Variants in RPL23 observed in about 807,000 individuals in gnomAD.
RPL23 encodes the protein large ribosomal subunit protein uL14.
For missense variants in RPL23, 79 were observed against 178.8 expected (o/e 0.44, Z 3.18); for synonymous variants, 63 against 65.3 (o/e 0.97, Z 0.17).
chr17:38,853,221 C>T (rs761023930), intron 1 of RPL23, 116 bp from the exon 2 acceptor site: 73 of 795,910 alleles, frequency 9.2e-5, no homozygotes, highest in Non-Finnish European at 1.4e-4. Context: ...AGACTGTACG[C>T]TATAGATTAG....
rs376234763 is a variant in RPL23 at position 38,853,119 on chromosome 17, G to C, written c.14-14C>G. The C allele has an allele frequency of 8.1e-6, 13 of 1,604,298 alleles. No homozygotes were observed. The highest frequency in any genetic ancestry group is 1.6e-4 in the Middle Eastern group (1 of 6,066). On this transcript the variant is annotated splice_polypyrimidine_tract_variant and intron_variant, in intron 1 of 4. Transcript: ENST00000479035. The stretch of plus-strand genomic sequence containing the variant: ...ACCCACCACGTCCTGTGGATATAAA[G>C]GGAAGGGAAACAGGATAAAGAGATC...
chr17:38,850,319 C>T, intron 4 of RPL23, 43 bp downstream of exon 4: 5 of 1,579,806 alleles, frequency 3.2e-6, no homozygotes, highest in Non-Finnish European at 4.3e-6. Context: ...GACAATCCAC[C>T]CAACCTCAGA....
At chr17:38,852,829 C>T in intron 2 of RPL23, 97 bp from the exon 3 acceptor site, 1 of 1,554,992 alleles carries the variant, frequency 6.4e-7, no homozygotes, top group Non-Finnish European at 8.9e-7. Flanking sequence ...CCCCTCCCTC[C>T]ACTCACTGCC....
In RPL23 at chr17:38,850,389, T is replaced by C; in HGVS notation, c.313A>G (p.Ile105Val). 1.2e-6 allele frequency: 2 copies of C among 1,613,862 alleles called. No individual in the cohort carries two copies. Among genetic ancestry groups the C allele is most frequent in the Non-Finnish European group, 1.7e-6 (2 of 1,179,946 alleles). Residue 105 changes from isoleucine to valine, a missense_variant, in exon 4 of 5, where the codon ATA becomes GTA. Physicochemically the swap from Ile to Val is conservative, Grantham distance 29. Coordinates refer to ENST00000479035, the MANE Select transcript of RPL23 (RefSeq NM_000978.4). The stretch of plus-strand genomic sequence containing the variant: ...TTCATCTCGCCTTTATTGTTCACTA[T>C]GACTCCTGCATTATCTTCAAAATAA... ...FLYFEDNAGV[I>V]VNNKGEMKGS...
intron 2 of RPL23, 141 bp downstream of exon 2, chr17:38,852,881 T>A (rs1196680627): frequency 7.3e-7 from 1 of 1,373,198 alleles, no homozygotes; most frequent in Non-Finnish European, 1.0e-6. Context: ...CACCACCGAT[T>A]GAAGCAAACA....
At chr17:38,851,973 A>AC (rs1436469976) in intron 3 of RPL23, 3 of 152,250 alleles carry the variant, frequency 2.0e-5, no homozygotes, top group Non-Finnish European at 4.4e-5. Flanking sequence ...CTAAAGCCAG[A>AC]CAGGACACAA....
Position 38,850,074 on chromosome 17 carries a change from C to A in RPL23, c.*58G>T. ...TGAACAGGGAGACAAGCACTGCAAA[C>A]AAATACTTTTTAATGGGTTTAGTTT... On this transcript the variant is annotated 3_prime_UTR_variant, in exon 5 of 5. Transcript: ENST00000479035. 1 of 1,351,208 alleles carries A rather than the reference C, an allele frequency of 7.4e-7. No homozygotes were observed. Among genetic ancestry groups the A allele is most frequent in the Non-Finnish European group, 1.0e-6 (1 of 976,442 alleles). The allele number at this position is 1,351,208 out of a possible 1,614,324, so 83.7% of individuals were successfully genotyped here. A position where few individuals can be genotyped will look rare whatever the true frequency, so the allele number is the denominator to read the frequency against.
At position 38,850,117 on chromosome 17, in the gene RPL23, A is replaced by G; in HGVS notation, c.*15T>C. ...TTTAGTTTTTTTTTTTATTTTTTAC[A>G]AATATACTGGAGAATCATGCAATGC... On this transcript the variant is annotated 3_prime_UTR_variant, in exon 5 of 5. Coordinates refer to ENST00000479035, the MANE Select transcript of RPL23 (RefSeq NM_000978.4). 1 of 1,558,742 alleles carries G rather than the reference A, an allele frequency of 6.4e-7. No homozygotes were observed. The highest frequency in any genetic ancestry group is 2.3e-5 in the East Asian group (1 of 44,004).
Position 38,849,848 on chromosome 17 carries a change from A to G in RPL23, c.*284T>C. ...ATGCCCAGAGTTTCCATTTCAGAAA[A>G]GTGATGGTCAGGGTATGTCAAAAAC... On this transcript the variant is annotated 3_prime_UTR_variant, in exon 5 of 5. Transcript: ENST00000479035. 3.6e-6 allele frequency: 1 copy of G among 276,386 alleles called. No individual in the cohort carries two copies. Among genetic ancestry groups the G allele is most frequent in the Non-Finnish European group, 6.7e-6 (1 of 150,310 alleles). 17.1% of individuals were successfully genotyped at this position (276,386 alleles called of 1,614,324 possible).
At chr17:38,852,565 C>G in intron 3 of RPL23, 39 bp downstream of exon 3, 1 of 1,610,176 alleles carries the variant, frequency 6.2e-7, no homozygotes. Context: ...CGTCCCCCCA[C>G]TACTCATCAG....
chr17:38,852,541 C>T, intron 3 of RPL23, 63 bp downstream of exon 3: 2 of 1,583,830 alleles, frequency 1.3e-6, no homozygotes, highest in African/African-American at 2.7e-5. Flanking sequence ...GATCCATTTT[C>T]CAATAAAGGA....
chr17:38,852,913 A>G, intron 2 of RPL23, 109 bp downstream of exon 2: 1 of 1,376,172 alleles, frequency 7.3e-7, no homozygotes, highest in South Asian at 1.2e-5. Context: ...CACTTCACCC[A>G]AAAGCGATGT....
chr17:38,852,476 G>C (rs927923298), intron 3 of RPL23, 128 bp downstream of exon 3: 1 of 1,187,384 alleles, frequency 8.4e-7, no homozygotes, highest in Non-Finnish European at 1.2e-6. Context: ...AAAAACTTAA[G>C]ATACTTATCT....
chr17:38,850,105 T>A lies in RPL23; in HGVS notation c.*27A>T. The A allele has an allele frequency of 3.3e-6, 5 of 1,532,210 alleles. No individual in the cohort carries two copies. Among genetic ancestry groups the A allele is most frequent in the Non-Finnish European group, 4.4e-6 (5 of 1,132,700 alleles). 94.9% of individuals were successfully genotyped at this position (1,532,210 alleles called of 1,614,324 possible). ...CTTTTTAATGGGTTTAGTTTTTTTTTTTATTTTTTACAAATATACTGGAGA... is the reference window on the plus strand; with the variant it reads ...CTTTTTAATGGGTTTAGTTTTTTTTATTATTTTTTACAAATATACTGGAGA... On this transcript the variant is annotated 3_prime_UTR_variant, in exon 5 of 5. Coordinates refer to ENST00000479035, the MANE Select transcript of RPL23 (RefSeq NM_000978.4).
intron 3 of RPL23, 165 bp from the exon 4 acceptor site, chr17:38,850,640 G>C: frequency 1.7e-6 from 1 of 585,442 alleles, no homozygotes; most frequent in Non-Finnish European, 3.0e-6. Context: ...TAGTATCTTG[G>C]ACTACAGGTG....
Position 38,847,906 on chromosome 17 carries a change from C to A in RPL23, c.*2226G>T. The A allele has an allele frequency of 6.7e-7, 1 of 1,498,692 alleles. No homozygotes were observed. 92.8% of individuals were successfully genotyped at this position (1,498,692 alleles called of 1,614,324 possible). On this transcript the variant is annotated 3_prime_UTR_variant, in exon 5 of 5. Transcript: ENST00000479035. ...TTTAATCCAAGTCAAAAAAAATCTC[C>A]AAAGAATAAAATGTGAGGTGGGATG...
At chr17:38,853,628 A>C (rs953095726) in intron 1 of RPL23, 70 bp downstream of exon 1, 9 of 1,601,496 alleles carry the variant, frequency 5.6e-6, no homozygotes, top group Middle Eastern at 3.3e-4. Context: ...GCCTAGGGCC[A>C]CCGCTCCTGA....
At chr17:38,852,917 G>T in intron 2 of RPL23, 105 bp downstream of exon 2, 1 of 1,383,298 alleles carries the variant, frequency 7.2e-7, no homozygotes, top group Non-Finnish European at 1.0e-6. Context: ...TCACCCAAAA[G>T]CGATGTTTTC....
At chr17:38,853,001 A>C in intron 2 of RPL23, 21 bp downstream of exon 2, 1 of 1,609,466 alleles carries the variant, frequency 6.2e-7, no homozygotes, top group South Asian at 1.1e-5. Flanking sequence ...GGGGGAGTAT[A>C]GCAACGTGCA....
Sources: allele counts gnomAD v4.1 joint callset, GRCh38; gene constraint gnomAD v4.1.1; transcripts MANE v1.5; gene names NCBI Gene and HGNC (gene_info 2026-07-23, HGNC 2026-07-21).